SLC25A40: variants seen among roughly 807,000 people sequenced by gnomAD.
SLC25A40 encodes mitochondrial glutathione transporter SLC25A40.
A neutral mutation model predicts 46.5 loss-of-function variants in SLC25A40; 41 were observed. The ratio of observed to expected loss-of-function variants is 0.88; its 90% CI spans 0.69 to 1.14. The LOEUF (loss-of-function observed/expected upper bound fraction) is 1.14. SLC25A40 is among the 50% of genes most tolerant of loss of function. SLC25A40 has a pLI of 0.00. For synonymous variants in SLC25A40, 126 were observed against 127.5 expected, an observed-to-expected ratio of 0.99 and a Z score of 0.08; for missense variants, 386 against 393.6, an observed-to-expected ratio of 0.98 and a Z score of 0.16.
Position 87,854,253 on chromosome 7 carries a change from C to T in SLC25A40, c.215G>A (p.Gly72Glu). ...CTTCTTATACCATAGTTTGTTGCCT[C>T]CCTCTTCACAGACACATAGATGATC... ...LMDHLCVCEE[G>E]GNKLWYKKPG... is the part of the protein sequence containing the mutation. The change falls in exon 5 of 12, where the codon GGA becomes GAA. Residue 72 changes from glycine to glutamate, a missense_variant. Physicochemically the swap from Gly to Glu is moderately conservative, Grantham distance 98. Transcript: ENST00000341119. The T allele has an allele frequency of 6.2e-7, 1 of 1,613,420 alleles. No homozygotes were observed. Among genetic ancestry groups the T allele is most frequent in the Non-Finnish European group, 8.5e-7 (1 of 1,179,562 alleles).
intron 1 of SLC25A40, among the ~76,000 whole-genome samples, chr7:87,867,593 AG>A (rs1838823876): frequency 6.6e-6 from 1 of 151,820 alleles, no homozygotes; most frequent in Non-Finnish European, 1.5e-5. Context: ...CAGTCATTGG[AG>A]TTTTGCTATG....
In SLC25A40 at chr7:87,854,587, C is replaced by T. The variant is rs1023323620; in HGVS notation, c.158-277G>A. On this transcript the variant is annotated intron_variant, in intron 4 of 11. Transcript: ENST00000341119. ...CAGCACTTTGGGAGGCCGAGGCAGGCGGATCATGAGGTCAGGAGATCGAGA... is the reference window on the plus strand; with the variant it reads ...CAGCACTTTGGGAGGCCGAGGCAGGTGGATCATGAGGTCAGGAGATCGAGA... 2.8e-4 allele frequency among the ~76,000 whole-genome samples: 41 copies of T among 148,234 alleles called. 1 individual carries two copies. The highest frequency in any genetic ancestry group is 2.3e-3 in the Admixed American group (34 of 14,970).
intron 1 of SLC25A40, among the ~76,000 whole-genome samples, chr7:87,875,359 C>G (rs1021281547): frequency 3.3e-5 from 5 of 152,176 alleles, no homozygotes; most frequent in Non-Finnish European, 5.9e-5. Flanking sequence ...CTGCGTTCTC[C>G]AGCTAATCTT....
chr7:87,840,311 A>C (rs1215732091), intron 10 of SLC25A40, among the ~76,000 whole-genome samples: 1 of 151,706 alleles, frequency 6.6e-6, no homozygotes, highest in Admixed American at 6.6e-5. Flanking sequence ...CTAGAGTTCC[A>C]CCTCAGATTC....
chr7:87,867,048 G>T (rs2131021151), intron 1 of SLC25A40, among the ~76,000 whole-genome samples: 1 of 152,322 alleles, frequency 6.6e-6, no homozygotes, highest in South Asian at 2.1e-4. Context: ...GGTACCCACT[G>T]GGTGGTGTGC....
intron 4 of SLC25A40, among the ~76,000 whole-genome samples, chr7:87,855,961 A>C (rs1033981636): frequency 4.6e-5 from 7 of 152,186 alleles, no homozygotes; most frequent in African/African-American, 1.7e-4. Context: ...ATGGTCATGA[A>C]TGCTCTAACA....
intron 3 of SLC25A40, among the ~76,000 whole-genome samples, chr7:87,857,304 G>C (rs980941086): frequency 2.6e-5 from 4 of 152,176 alleles, no homozygotes; most frequent in African/African-American, 9.7e-5. Flanking sequence ...AATCAGAAAA[G>C]TTTAATGTTG....
At chr7:87,859,009 A>T (rs1030817080) in intron 2 of SLC25A40, among the ~76,000 whole-genome samples, 2 of 152,252 alleles carry the variant, frequency 1.3e-5, no homozygotes, top group African/African-American at 4.8e-5. Flanking sequence ...GTATACCAGT[A>T]GTTGTTGTAC....
At position 87,841,641 on chromosome 7, in the gene SLC25A40, C is replaced by G. The variant is rs775764486; in HGVS notation, c.815G>C (p.Ser272Thr). The G allele has an allele frequency of 1.7e-5, 25 of 1,496,798 alleles. No individual in the cohort carries two copies. The South Asian group carries it at 3.6e-4, about 21-fold the overall frequency. The allele number at this position is 1,496,798 out of a possible 1,614,324, so 92.7% of individuals were successfully genotyped here. The change falls in exon 10 of 12, where the codon AGT (serine) becomes ACT (threonine). Residue 272 changes from serine (S) to threonine (T), a missense_variant. By Grantham distance (58) the Ser-to-Thr change is moderately conservative. Transcript: ENST00000341119. ...QKQTQLWTYE[S>T]HKISMPLHMS... is the part of the protein sequence containing the mutation. ...AAATTAATTAAACTTACTTTTATGA[C>G]TTTCATATGTCCAAAGTTGTGTCTG...
chr7:87,865,108 C>A lies in SLC25A40; in HGVS notation c.-93-4468G>T, dbSNP rs80230454. ...CCTATTGCCTTAGCCTCTTGCAGAC[C>A]TAGGACTACAGGCACGAGCCACCAC... On this transcript the variant is annotated intron_variant, in intron 1 of 11. Coordinates refer to ENST00000341119, the MANE Select transcript of SLC25A40 (RefSeq NM_018843.4). Among the ~76,000 whole-genome samples, 576 of 151,942 alleles carry A rather than the reference C, an allele frequency of 3.8e-3. 3 individuals are homozygous for A. The highest frequency in any genetic ancestry group is 0.013 in the African/African-American group (555 of 41,496).
rs191402034 is a variant in SLC25A40 at position 87,856,158 on chromosome 7, A to G, written c.157+134T>C. 194 of 692,742 alleles carry G rather than the reference A, an allele frequency of 2.8e-4. No individual in the cohort carries two copies. The African/African-American group carries it at 3.3e-3, about 12-fold the overall frequency. 42.9% of individuals were successfully genotyped at this position (692,742 alleles called of 1,614,324 possible). A position where few individuals can be genotyped will look rare whatever the true frequency, so the allele number is the denominator to read the frequency against. The stretch of plus-strand genomic sequence containing the variant: ...CCTCATCACGTACAACTAAATGGTG[A>G]AAAAAAAAGTTTTTCATGAGGATAA... On this transcript the variant is annotated intron_variant, in intron 4 of 11. Transcript: ENST00000341119.
intron 2 of SLC25A40, among the ~76,000 whole-genome samples, chr7:87,859,563 A>G (rs763599049): frequency 3.3e-4 from 51 of 152,318 alleles, no homozygotes; most frequent in Middle Eastern, 3.4e-3. Flanking sequence ...CAAATATTGT[A>G]TATTAATCAA....
In SLC25A40 at chr7:87,865,189, T is replaced by C. The variant is rs55836201; in HGVS notation, c.-93-4549A>G. ...AGTGTATCTACAATAAGTTTTTCCATTGTGGTTGGCATGAATTTTAAAAAT... is the reference window on the plus strand; with the variant it reads ...AGTGTATCTACAATAAGTTTTTCCACTGTGGTTGGCATGAATTTTAAAAAT... On this transcript the variant is annotated intron_variant, in intron 1 of 11. Coordinates refer to ENST00000341119, the MANE Select transcript of SLC25A40 (RefSeq NM_018843.4). Among the ~76,000 whole-genome samples, 481 of 152,230 alleles carry C rather than the reference T, an allele frequency of 3.2e-3. 3 individuals are homozygous for C. Among genetic ancestry groups the C allele is most frequent in the African/African-American group, 0.011 (438 of 41,546 alleles).
intron 9 of SLC25A40, among the ~76,000 whole-genome samples, 166 bp downstream of exon 9, chr7:87,843,588 T>G (rs1235023772): frequency 6.6e-6 from 1 of 152,092 alleles, no homozygotes; most frequent in Non-Finnish European, 1.5e-5. Context: ...TTAAATTATT[T>G]TATTTGCTAA....
At chr7:87,864,726 A>C in intron 1 of SLC25A40, among the ~76,000 whole-genome samples, 1 of 152,134 alleles carries the variant, frequency 6.6e-6, no homozygotes, top group East Asian at 1.9e-4. Flanking sequence ...TTTCTTGTGG[A>C]CAGCATATGG....
intron 10 of SLC25A40, among the ~76,000 whole-genome samples, chr7:87,838,132 T>C (rs1342170807): frequency 6.6e-6 from 1 of 151,496 alleles, no homozygotes; most frequent in Non-Finnish European, 1.5e-5. Context: ...AGCATAAGCA[T>C]AAACATACTA....
At chr7:87,855,899 G>A (rs1477778392) in intron 4 of SLC25A40, among the ~76,000 whole-genome samples, 1 of 152,106 alleles carries the variant, frequency 6.6e-6, no homozygotes, top group Non-Finnish European at 1.5e-5. Context: ...TAACCAAGCT[G>A]TCTGATAAAA....
At chr7:87,840,870 C>A (rs1838321286) in intron 10 of SLC25A40, among the ~76,000 whole-genome samples, 1 of 151,710 alleles carries the variant, frequency 6.6e-6, no homozygotes, top group Admixed American at 6.6e-5. Flanking sequence ...ACCTATTTTA[C>A]TTTTTATGCA....
chr7:87,858,610 A>G, intron 3 of SLC25A40, 21 bp downstream of exon 3: 1 of 1,295,828 alleles, frequency 7.7e-7, no homozygotes, highest in Non-Finnish European at 1.1e-6. Flanking sequence ...TACATAATCT[A>G]CATCAGTAAC....
Sources: gnomAD v4.1 joint callset for allele counts (sites outside exome capture counted in the v4.1 genomes callset) on GRCh38, gnomAD v4.1.1 for gene constraint, MANE v1.5 for transcripts, NCBI Gene and HGNC (gene_info 2026-07-23, HGNC 2026-07-21) for gene names.